Variants in RIPK1 observed in about 807,000 individuals in gnomAD.
The protein encoded by RIPK1 is receptor interacting serine/threonine kinase 1, also known as receptor-interacting serine/threonine-protein kinase 1.
A neutral mutation model predicts 62.4 loss-of-function variants in RIPK1; 27 were observed. The observed-to-expected ratio is 0.43, with a 90% CI of 0.32 to 0.60. RIPK1 has a LOEUF of 0.60. RIPK1 is among the 20% of genes least tolerant of loss of function. The pLI is 0.07. For synonymous variants in RIPK1, 287 were observed against 303.2 expected (o/e 0.95, Z 0.55); for missense variants, 735 against 831.0 (o/e 0.88, Z 1.42).
intron 4 of RIPK1, 41 bp downstream of exon 4, chr6:3,081,157 T>A (rs1356686284): frequency 6.2e-7 from 1 of 1,603,390 alleles, no homozygotes; most frequent in Non-Finnish European, 8.5e-7. Flanking sequence ...TTGGGTGATT[T>A]TAGTTTTAAT....
upstream of RIPK1, among the ~76,000 whole-genome samples, chr6:3,067,598 G>GTTT (rs34610901): frequency 3.4e-4 from 51 of 151,270 alleles, no homozygotes; most frequent in East Asian, 1.2e-3. Flanking sequence ...TTTTAAGAGG[G>GTTT]TTTTTTTTGG....
intron 3 of RIPK1, 41 bp downstream of exon 3, chr6:3,077,976 G>C: frequency 6.2e-7 from 1 of 1,603,824 alleles, no homozygotes; most frequent in Non-Finnish European, 8.5e-7. Flanking sequence ...CAGCGCTTGG[G>C]CCCTGGCTGT....
intron 9 of RIPK1, 96 bp from the exon 10 acceptor site, chr6:3,110,707 A>C: frequency 1.4e-6 from 1 of 726,710 alleles, no homozygotes. Context: ...TAATTAACTT[A>C]ATGTTTGGCA....
rs17548363 is a variant in RIPK1 at position 3,083,648 on chromosome 6, C to T, written c.688+335C>T. Among the ~76,000 whole-genome samples the T allele has an allele frequency of 2.6e-3, 399 of 152,210 alleles. 1 individual carries two copies. The highest frequency in any genetic ancestry group is 9.2e-3 in the African/African-American group (382 of 41,512). On this transcript the variant is annotated intron_variant, in intron 5 of 10. Transcript: ENST00000259808. ...CAGTCCCTACTGTGGGCACTTGAGT[C>T]GGCATTGGGAATATAAAGATGAGTA...
chr6:3,110,963 AC>A lies in RIPK1; in HGVS notation c.1729+11del, dbSNP rs753038659. Reference sequence around the variant, plus strand: ...AGTACCAAGCTATCTTTGGTAAGATACCCTGGAAGGACTCAACGCCTAGCAA... The same window carrying A: ...AGTACCAAGCTATCTTTGGTAAGATACCTGGAAGGACTCAACGCCTAGCAA... On this transcript the variant is annotated intron_variant, in intron 10 of 10. Transcript: ENST00000259808. The A allele has an allele frequency of 2.5e-6, 4 of 1,604,818 alleles. No homozygotes were observed. In the African/African-American group the frequency reaches 4.0e-5, roughly 16 times the overall value.
chr6:3,090,181 A>G (rs764484185), intron 7 of RIPK1, among the ~76,000 whole-genome samples: 3 of 152,164 alleles, frequency 2.0e-5, no homozygotes, highest in African/African-American at 4.8e-5. Flanking sequence ...ACTTAGCAAC[A>G]GATGGCAGCA....
At chr6:3,106,184 C>T (rs922688880) in intron 9 of RIPK1, 133 bp downstream of exon 9, 4 of 706,692 alleles carry the variant, frequency 5.7e-6, no homozygotes, top group Non-Finnish European at 9.3e-6. Flanking sequence ...ATGCAAATTG[C>T]CCCTGTGGAA....
At chr6:3,071,442 C>T (rs767002876) in intron 1 of RIPK1, among the ~76,000 whole-genome samples, 23 of 152,248 alleles carry the variant, frequency 1.5e-4, no homozygotes, top group East Asian at 3.9e-4. Context: ...TTCAAATGGA[C>T]GTAATTATTA....
At chr6:3,070,713 G>A (rs1162270837) in intron 1 of RIPK1, among the ~76,000 whole-genome samples, 2 of 149,288 alleles carry the variant, frequency 1.3e-5, no homozygotes, top group Non-Finnish European at 2.9e-5. Flanking sequence ...TTACAGGCAT[G>A]AGCCCCTGCA....
chr6:3,069,959 C>T (rs774501950), intron 1 of RIPK1, among the ~76,000 whole-genome samples: 1 of 151,794 alleles, frequency 6.6e-6, no homozygotes, highest in Non-Finnish European at 1.5e-5. Flanking sequence ...TGCAGTGAGC[C>T]GAGATTGCCA....
At chr6:3,075,770 T>C (rs1207166067) in intron 1 of RIPK1, among the ~76,000 whole-genome samples, 1 of 152,198 alleles carries the variant, frequency 6.6e-6, no homozygotes, top group Non-Finnish European at 1.5e-5. Context: ...GTTCATAGTT[T>C]AGGCGATCCT....
chr6:3,076,699 C>CATACGT (rs759690606), intron 1 of RIPK1, 65 bp from the exon 2 acceptor site: 1 of 214,558 alleles, frequency 4.7e-6, no homozygotes, highest in Admixed American at 7.7e-5. Context: ...AAAAAAAAAA[C>CATACGT]ATATATATAT....
intron 6 of RIPK1, 77 bp from the exon 7 acceptor site, chr6:3,089,504 A>G (rs1759906118): frequency 1.3e-6 from 1 of 768,450 alleles, no homozygotes; most frequent in Non-Finnish European, 2.2e-6. Flanking sequence ...AAGTAATTCA[A>G]AGATAATAGA....
rs572705754 is a variant in RIPK1 at position 3,105,414 on chromosome 6, C to T, written c.1007-68C>T. ...ACTTTGAGATACAGATTCATGACGG[C>T]GCTCAGATTTTATTTTACTTTTTAA... is the stretch of plus-strand genomic sequence containing the variant. On this transcript the variant is annotated intron_variant, in intron 8 of 10. Coordinates refer to ENST00000259808, the MANE Select transcript of RIPK1 (RefSeq NM_001354930.2). This position sits in a 1 kb window ranked among gnomAD's most constrained non-coding sequence, Gnocchi z 4.5. 4.0e-5 allele frequency: 49 copies of T among 1,224,048 alleles called. No homozygotes were observed. Among genetic ancestry groups the T allele is most frequent in the East Asian group, 4.7e-5 (2 of 42,610 alleles). 75.8% of individuals were successfully genotyped at this position (1,224,048 alleles called of 1,614,324 possible). A position where few individuals can be genotyped will look rare whatever the true frequency, so the allele number is the denominator to read the frequency against.
upstream of RIPK1, among the ~76,000 whole-genome samples, chr6:3,064,280 C>G (rs1369180239): frequency 6.6e-6 from 1 of 152,168 alleles, no homozygotes; most frequent in African/African-American, 2.4e-5. Flanking sequence ...AGCGCGGACG[C>G]CGCCCTCCCC....
intron 8 of RIPK1, among the ~76,000 whole-genome samples, chr6:3,104,654 G>A (rs953083718): frequency 1.3e-5 from 2 of 152,052 alleles, no homozygotes; most frequent in Non-Finnish European, 2.9e-5. Flanking sequence ...CAGAGAGGCT[G>A]GTCTCAGGTC....
chr6:3,100,735 C>T, intron 7 of RIPK1, among the ~76,000 whole-genome samples: 1 of 115,698 alleles, frequency 8.6e-6, no homozygotes, highest in East Asian at 2.0e-4. Flanking sequence ...GGATTACAGG[C>T]GTGTACCACC....
At chr6:3,068,097 G>T, upstream of RIPK1, 1 of 495,204 alleles carries the variant, frequency 2.0e-6, no homozygotes, top group Non-Finnish European at 2.6e-6. Flanking sequence ...ATAGCATGCA[G>T]TTCCAACTTT....
intron 7 of RIPK1, among the ~76,000 whole-genome samples, chr6:3,098,897 C>T (rs575742451): frequency 6.6e-6 from 1 of 152,324 alleles, no homozygotes; most frequent in Admixed American, 6.5e-5. Context: ...GCTTGTCCCA[C>T]GTCAGACTGA....
Sources: allele counts gnomAD v4.1 joint callset (sites outside exome capture counted in the v4.1 genomes callset), GRCh38; gene constraint gnomAD v4.1.1; non-coding constraint Gnocchi (gnomAD v3.1); transcripts MANE v1.5; gene names NCBI Gene and HGNC (gene_info 2026-07-23, HGNC 2026-07-21).